Variants in CRB1 observed in about 807,000 individuals in gnomAD.
CRB1 encodes the protein protein crumbs homolog 1.
A neutral mutation model predicts 120.0 loss-of-function variants in CRB1; 83 were observed. The ratio of observed to expected loss-of-function variants is 0.69; its 90% CI spans 0.58 to 0.83. The LOEUF is 0.83. Among genes scored for constraint, CRB1 ranks in the 40% least tolerant of loss-of-function variants. The pLI is 0.00. For synonymous variants in CRB1, 625 were observed against 612.5 expected (o/e 1.02, Z -0.30); for missense variants, 1,699 against 1,687.6 (o/e 1.01, Z -0.12).
intron 1 of CRB1, among the ~76,000 whole-genome samples, chr1:197,271,226 A>G (rs1213294279): frequency 1.3e-5 from 2 of 152,052 alleles, no homozygotes; most frequent in Admixed American, 1.3e-4. Context: ...GGAGAAAGAA[A>G]TTTCAGTTAT....
chr1:197,316,780 A>C (rs778132893), intron 1 of CRB1, among the ~76,000 whole-genome samples: 1 of 152,166 alleles, frequency 6.6e-6, no homozygotes, highest in Admixed American at 6.5e-5. Context: ...AAAAACCATT[A>C]AAATTAATAA....
Position 197,421,145 on chromosome 1 carries a change from T to C in CRB1, c.1317T>C (p.Ser439=). Reference sequence around the variant, plus strand: ...CTTTTTATGGAGGAAGGGACTGTTCTGATATTCTCCTGGGCTGTACCCATC... The same window carrying C: ...CTTTTTATGGAGGAAGGGACTGTTCCGATATTCTCCTGGGCTGTACCCATC... ...SRTFYGGRDC[S]DILLGCTHQQ... is the part of the protein sequence containing the mutation. Residue 439 remains serine (S), a synonymous_variant, in exon 6 of 12, where the codon TCT becomes TCC. Coordinates refer to ENST00000367400, the MANE Select transcript of CRB1 (RefSeq NM_201253.3). 6.2e-7 allele frequency: 1 copy of C among 1,614,212 alleles called. No individual in the cohort carries two copies. The highest frequency in any genetic ancestry group is 8.5e-7 in the Non-Finnish European group (1 of 1,180,002).
chr1:197,300,278 G>T (rs1186299723), intron 1 of CRB1, among the ~76,000 whole-genome samples: 1 of 151,990 alleles, frequency 6.6e-6, no homozygotes, highest in Admixed American at 6.6e-5. Context: ...AAGATAGGCT[G>T]AAACTAATCC....
intron 1 of CRB1, among the ~76,000 whole-genome samples, chr1:197,312,563 C>G (rs1657597298): frequency 6.6e-6 from 1 of 152,096 alleles, no homozygotes; most frequent in African/African-American, 2.4e-5. Flanking sequence ...GCCTGAGGGA[C>G]AAGAGTGAAA....
chr1:197,257,267 G>T, the CRB1 span, among the ~76,000 whole-genome samples: 5 of 152,202 alleles, frequency 3.3e-5, no homozygotes, highest in African/African-American at 1.2e-4. Context: ...TTCTGTTTGG[G>T]TTCCCAAAGG....
In CRB1 at chr1:197,456,982, G is replaced by A. The variant is rs183549392; in HGVS notation, c.4005+14690G>A. On this transcript the variant is annotated intron_variant, in intron 11 of 11. Coordinates refer to ENST00000367400, the MANE Select transcript of CRB1 (RefSeq NM_201253.3). ...AAAATCATGTCCTTTTCTTCCATTTGCTCTAAAGCCAGTAAGAGTTGACCA... is the reference window on the plus strand; with the variant it reads ...AAAATCATGTCCTTTTCTTCCATTTACTCTAAAGCCAGTAAGAGTTGACCA... 6.5e-4 allele frequency among the ~76,000 whole-genome samples: 99 copies of A among 152,190 alleles called. No homozygotes were observed. In the Middle Eastern group the frequency reaches 0.02, roughly 31 times the overall value.
intron 9 of CRB1, among the ~76,000 whole-genome samples, chr1:197,437,657 T>A (rs1665228447): frequency 1.3e-5 from 2 of 152,256 alleles, no homozygotes; most frequent in African/African-American, 4.8e-5. Flanking sequence ...TCCTTCTTTT[T>A]AAAGTAGAAT....
intron 11 of CRB1, among the ~76,000 whole-genome samples, chr1:197,470,723 C>A (rs576778286): frequency 6.6e-6 from 1 of 152,356 alleles, no homozygotes; most frequent in South Asian, 2.1e-4. Flanking sequence ...TGTGAATTAT[C>A]AGGGCTTTTT....
intron 4 of CRB1, among the ~76,000 whole-genome samples, chr1:197,355,774 C>T (rs1374976101): frequency 6.6e-6 from 1 of 152,168 alleles, no homozygotes; most frequent in African/African-American, 2.4e-5. Flanking sequence ...ACACATCTGT[C>T]CCTCCACACC....
chr1:197,434,228 G>A (rs1358153769), intron 8 of CRB1, among the ~76,000 whole-genome samples: 2 of 152,094 alleles, frequency 1.3e-5, no homozygotes, highest in African/African-American at 4.8e-5. Context: ...TTAATCAGAA[G>A]CCAGACTCCA....
In CRB1 at chr1:197,344,456, G is replaced by T. The variant is rs1486963133; in HGVS notation, c.828G>T (p.Leu276=). The change falls in exon 3 of 12, where the codon CTG becomes CTT. Residue 276 remains leucine, a synonymous_variant. Coordinates refer to ENST00000367400, the MANE Select transcript of CRB1 (RefSeq NM_201253.3). ...CASQPCLHGG[L]CVDGENRYSC... ...GTCAACCTTGTCTCCATGGAGGGCT[G>T]TGTGTGGATGGAGAAAACAGGTACA... 6.2e-7 allele frequency: 1 copy of T among 1,614,108 alleles called. No homozygotes were observed. The highest frequency in any genetic ancestry group is 1.7e-5 in the Admixed American group (1 of 60,012).
intron 3 of CRB1, among the ~76,000 whole-genome samples, chr1:197,344,969 A>G (rs1284961266): frequency 6.6e-6 from 1 of 152,238 alleles, no homozygotes; most frequent in Non-Finnish European, 1.5e-5. Context: ...TTGAGAAAGC[A>G]TAATGGCGAG....
chr1:197,308,477 T>C (rs894658362), intron 1 of CRB1, among the ~76,000 whole-genome samples: 1 of 152,170 alleles, frequency 6.6e-6, no homozygotes, highest in African/African-American at 2.4e-5. Flanking sequence ...ATAGGAGTAA[T>C]GATAGGTTGT....
chr1:197,365,644 T>A (rs548191526), intron 5 of CRB1, among the ~76,000 whole-genome samples: 17 of 147,794 alleles, frequency 1.2e-4, no homozygotes, highest in Middle Eastern at 6.9e-3. Flanking sequence ...TTTTTTTTTA[T>A]CAGTAGGGCT....
At chr1:197,214,534 A>T in the CRB1 span, among the ~76,000 whole-genome samples, 1 of 152,208 alleles carries the variant, frequency 6.6e-6, no homozygotes, top group African/African-American at 2.4e-5. Context: ...CTGAGGGATG[A>T]CTATACTATG....
At chr1:197,416,463 A>G (rs1028836757) in intron 5 of CRB1, among the ~76,000 whole-genome samples, 1 of 152,278 alleles carries the variant, frequency 6.6e-6, no homozygotes, top group Admixed American at 6.5e-5. Flanking sequence ...TATTGTAAAT[A>G]CATTCAGGCT....
intron 1 of CRB1, among the ~76,000 whole-genome samples, chr1:197,292,451 C>A (rs539264607): frequency 6.6e-6 from 1 of 152,002 alleles, no homozygotes; most frequent in Non-Finnish European, 1.5e-5. Context: ...CAGGACTAGA[C>A]AGATTCACAG....
At chr1:197,286,510 G>A (rs193201276) in intron 1 of CRB1, among the ~76,000 whole-genome samples, 19 of 151,862 alleles carry the variant, frequency 1.3e-4, no homozygotes, top group Admixed American at 1.1e-3. Flanking sequence ...TTTACTAATT[G>A]TTTATTTGTA....
intron 1 of CRB1, among the ~76,000 whole-genome samples, chr1:197,274,802 G>C (rs773176602): frequency 1.3e-5 from 2 of 152,052 alleles, no homozygotes; most frequent in Non-Finnish European, 2.9e-5. Context: ...CCATTATATA[G>C]ATGTAGCACG....
Sources: allele counts gnomAD v4.1 joint callset (sites outside exome capture counted in the v4.1 genomes callset), GRCh38; gene constraint gnomAD v4.1.1; transcripts MANE v1.5; gene names NCBI Gene and HGNC (gene_info 2026-07-23, HGNC 2026-07-21).